The following BCAS3 variants were observed in gnomAD, a reference collection of about 807,000 sequenced individuals.
BCAS3 encodes the protein BCAS4/BCAS3 fusion.
BCAS3 carries 53 observed loss-of-function variants against 116.1 expected under a neutral mutation model. The observed-to-expected ratio is 0.46, with a 90% CI of 0.37 to 0.57. BCAS3 has a LOEUF of 0.57. BCAS3 is among the 20% of genes least tolerant of loss of function. The probability of loss-of-function intolerance (pLI) is 0.00; values close to 1 mark genes in which losing one functional copy is unlikely to be tolerated. For synonymous variants in BCAS3, 391 were observed against 408.2 expected, an observed-to-expected ratio of 0.96 and a Z score of 0.51; for missense variants, 917 against 1,165.4, an observed-to-expected ratio of 0.79 and a Z score of 3.10.
rs8064708 is a variant in BCAS3 at position 61,077,993 on chromosome 17, C to G, written c.2131-340C>G. Among the ~76,000 whole-genome samples, 6,280 of 152,166 alleles carry G rather than the reference C, an allele frequency of 0.041. 460 individuals carry two copies. Among genetic ancestry groups the G allele is most frequent in the African/African-American group, 0.14 (5,907 of 41,474 alleles). On this transcript the variant is annotated intron_variant, in intron 20 of 23. Coordinates refer to ENST00000407086, the MANE Select transcript of BCAS3 (RefSeq NM_017679.5). The surrounding 1 kb of genome is among the most constrained non-coding windows in gnomAD (Gnocchi z 4.3). ...AGAATGAATGAAAAGGTAGACCCTA[C>G]GGAGCTGACACTAGTTATATGAGGC...
chr17:61,334,212 A>G (rs2056518089), intron 22 of BCAS3, among the ~76,000 whole-genome samples: 1 of 152,152 alleles, frequency 6.6e-6, no homozygotes, highest in Admixed American at 6.6e-5. Flanking sequence ...TGAGAGAGGG[A>G]GGATATGGGG....
chr17:61,304,791 T>A (rs1233919296), intron 22 of BCAS3, among the ~76,000 whole-genome samples: 1 of 151,912 alleles, frequency 6.6e-6, no homozygotes, highest in Non-Finnish European at 1.5e-5. Flanking sequence ...TTCGCTCTTG[T>A]CGCCCAGGTT....
chr17:60,859,345 C>T (rs2053962023), intron 7 of BCAS3, among the ~76,000 whole-genome samples: 1 of 151,908 alleles, frequency 6.6e-6, no homozygotes, highest in Non-Finnish European at 1.5e-5. Context: ...ACTCTACTTC[C>T]ACCCTCCTCC....
At chr17:61,059,542 A>T (rs751379707) in intron 19 of BCAS3, among the ~76,000 whole-genome samples, 2 of 152,204 alleles carry the variant, frequency 1.3e-5, no homozygotes, top group African/African-American at 4.8e-5. Context: ...GTGAGAATGA[A>T]TACCCTTCTT....
At chr17:60,719,590 C>T (rs1420459725) in intron 5 of BCAS3, among the ~76,000 whole-genome samples, 3 of 152,136 alleles carry the variant, frequency 2.0e-5, no homozygotes, top group Non-Finnish European at 4.4e-5. Flanking sequence ...GAATAAGATA[C>T]AGAATTTTCA....
At chr17:61,255,577 A>T (rs140255198) in intron 22 of BCAS3, among the ~76,000 whole-genome samples, 1 of 152,212 alleles carries the variant, frequency 6.6e-6, no homozygotes, top group African/African-American at 2.4e-5. Flanking sequence ...TGTGGAATCA[A>T]TGTTAGTGCT....
At chr17:60,830,113 G>A (rs548107616) in intron 7 of BCAS3, among the ~76,000 whole-genome samples, 1 of 152,174 alleles carries the variant, frequency 6.6e-6, no homozygotes, top group East Asian at 1.9e-4. Flanking sequence ...TGCCTCAGCT[G>A]CCTGAATAAC....
chr17:61,372,652 C>G (rs906200574), intron 23 of BCAS3, among the ~76,000 whole-genome samples: 1 of 152,162 alleles, frequency 6.6e-6, no homozygotes, highest in African/African-American at 2.4e-5. Flanking sequence ...CCAGCTCCAG[C>G]CAAGCTAAAC....
At chr17:61,177,690 T>A (rs1259680543) in intron 22 of BCAS3, among the ~76,000 whole-genome samples, 4 of 152,250 alleles carry the variant, frequency 2.6e-5, no homozygotes, top group African/African-American at 7.2e-5. Flanking sequence ...ACTTTAGATA[T>A]GTCTAACTTA....
chr17:61,058,147 A>G (rs2069581625), intron 19 of BCAS3, among the ~76,000 whole-genome samples: 1 of 152,080 alleles, frequency 6.6e-6, no homozygotes, highest in Non-Finnish European at 1.5e-5. Flanking sequence ...TTCTTACTGA[A>G]AGTAACCAGC....
chr17:61,049,725 CTTTTCTT>C (rs1465995294), intron 19 of BCAS3, among the ~76,000 whole-genome samples: 12 of 139,464 alleles, frequency 8.6e-5, no homozygotes, highest in Admixed American at 4.2e-4. Flanking sequence ...CTTTTCTTTT[CTTTTCTT>C]TTTTTTTTTT....
intron 1 of BCAS3, among the ~76,000 whole-genome samples, chr17:60,678,346 A>G (rs952381654): frequency 5.9e-5 from 9 of 152,122 alleles, no homozygotes; most frequent in Non-Finnish European, 1.3e-4. Flanking sequence ...ACAGGTTTAG[A>G]GTTTTCACAT....
chr17:61,185,381 A>T (rs1276098706), intron 22 of BCAS3, among the ~76,000 whole-genome samples: 1 of 152,186 alleles, frequency 6.6e-6, no homozygotes, highest in Admixed American at 6.5e-5. Flanking sequence ...CTCCATATAC[A>T]GTAGTAATAA....
At chr17:61,006,121 A>G (rs565374108) in intron 15 of BCAS3, among the ~76,000 whole-genome samples, 2 of 152,258 alleles carry the variant, frequency 1.3e-5, no homozygotes, top group East Asian at 3.9e-4. Context: ...TACAAAGGAC[A>G]TGAACTCATC....
chr17:60,936,438 A>T (rs1367458213), intron 13 of BCAS3, among the ~76,000 whole-genome samples: 2 of 152,086 alleles, frequency 1.3e-5, no homozygotes, highest in African/African-American at 2.4e-5. Flanking sequence ...CGCCACACTG[A>T]CTTCCACAAT....
intron 6 of BCAS3, among the ~76,000 whole-genome samples, chr17:60,782,961 G>A (rs766974952): frequency 5.3e-5 from 8 of 152,036 alleles, no homozygotes; most frequent in East Asian, 1.9e-4. Context: ...GCATGCATAC[G>A]TATATTTACA....
At position 61,007,215 on chromosome 17, in the gene BCAS3, A is replaced by G. The variant is rs1470491951; in HGVS notation, c.1487-8536A>G. On this transcript the variant is annotated intron_variant, in intron 15 of 23. Coordinates refer to ENST00000407086, the MANE Select transcript of BCAS3 (RefSeq NM_017679.5). This position sits in a 1 kb window ranked among gnomAD's most constrained non-coding sequence, Gnocchi z 4.3. ...CTTTGTGTTCTTGCATTTTATAAAC[A>G]TTGTTTCTAACTGTTGATTTCATCT... Among the ~76,000 whole-genome samples the G allele has an allele frequency of 2.0e-5, 3 of 151,888 alleles. No individual in the cohort carries two copies. Among genetic ancestry groups the G allele is most frequent in the Non-Finnish European group, 4.4e-5 (3 of 67,940 alleles).
intron 22 of BCAS3, among the ~76,000 whole-genome samples, chr17:61,193,533 G>A (rs2080275943): frequency 6.6e-6 from 1 of 151,912 alleles, no homozygotes; most frequent in Non-Finnish European, 1.5e-5. Flanking sequence ...CGAGATGGGT[G>A]GATCACCTGA....
intron 22 of BCAS3, among the ~76,000 whole-genome samples, chr17:61,299,987 T>C (rs2053299555): frequency 6.6e-6 from 1 of 152,226 alleles, no homozygotes; most frequent in East Asian, 1.9e-4. Flanking sequence ...GGACAACTTA[T>C]AATTACAGAT....
Sources: allele counts gnomAD v4.1 joint callset (sites outside exome capture counted in the v4.1 genomes callset), GRCh38; gene constraint gnomAD v4.1.1; non-coding constraint Gnocchi (gnomAD v3.1); transcripts MANE v1.5; gene names NCBI Gene and HGNC (gene_info 2026-07-23, HGNC 2026-07-21).